The following TMEM242 variants were observed in gnomAD, a reference collection of about 807,000 sequenced individuals.
TMEM242 encodes the protein UPF0463 transmembrane protein C6orf35.
In TMEM242, 10 loss-of-function variants were observed where a neutral mutation model predicts 18.2. That is an observed-to-expected ratio of 0.55 (90% CI 0.34 to 0.93). The LOEUF is 0.93. TMEM242 is among the 40% of genes least tolerant of loss of function. TMEM242 has a pLI of 0.02. For synonymous variants in TMEM242, 57 were observed against 69.9 expected (o/e 0.81, Z 0.92); for missense variants, 186 against 175.5 (o/e 1.06, Z -0.34).
chr6:157,310,449 CCTAG>C (rs1777991030), intron 3 of TMEM242, among the ~76,000 whole-genome samples: 1 of 105,920 alleles, frequency 9.4e-6, no homozygotes, highest in Non-Finnish European at 2.2e-5. Flanking sequence ...TGTGCACTCA[CCTAG>C]CCTCATCACA....
intron 3 of TMEM242, among the ~76,000 whole-genome samples, chr6:157,309,050 G>A (rs1777955489): frequency 6.6e-6 from 1 of 152,124 alleles, no homozygotes; most frequent in South Asian, 2.1e-4. Flanking sequence ...ATATACAATA[G>A]GGTTCCCTAT....
At chr6:157,312,956 T>C (rs2128416377) in intron 3 of TMEM242, among the ~76,000 whole-genome samples, 2 of 152,176 alleles carry the variant, frequency 1.3e-5, no homozygotes, top group African/African-American at 4.8e-5. Context: ...TCACCCGGCC[T>C]CATCATAGTG....
chr6:157,323,321 CG>C, intron 1 of TMEM242, 90 bp downstream of exon 1: 1 of 1,364,882 alleles, frequency 7.3e-7, no homozygotes, highest in Non-Finnish European at 1.0e-6. Context: ...GCTCTCAGAG[CG>C]GGATGTGTGT....
intron 3 of TMEM242, among the ~76,000 whole-genome samples, chr6:157,302,289 T>C (rs1401416627): frequency 6.6e-6 from 1 of 152,220 alleles, no homozygotes; most frequent in African/African-American, 2.4e-5. Context: ...TTCTTTTATC[T>C]CAGTCATAAC....
intron 3 of TMEM242, among the ~76,000 whole-genome samples, chr6:157,294,224 C>A (rs1287906264): frequency 6.6e-6 from 1 of 152,152 alleles, no homozygotes; most frequent in East Asian, 1.9e-4. Flanking sequence ...TCAGCAGCAC[C>A]ACAGTACTGC....
At chr6:157,304,322 C>T (rs4415180) in intron 3 of TMEM242, among the ~76,000 whole-genome samples, 38,785 of 151,584 alleles carry the variant, frequency 0.26, 5,033 homozygotes, top group South Asian at 0.4. Flanking sequence ...AAAAATCAGT[C>T]GGGCATGGTG....
rs1328614194 is a variant in TMEM242 at position 157,292,244 on chromosome 6, A to G, written c.*657T>C. ...CTGATATCATCATTATTTTAGCCCA[A>G]CTGTGCCTTTTGGGGTGATCACAAC... is the stretch of plus-strand genomic sequence containing the variant. On this transcript the variant is annotated 3_prime_UTR_variant, in exon 4 of 4. Coordinates refer to ENST00000400788, the MANE Select transcript of TMEM242 (RefSeq NM_018452.6). 2.0e-5 allele frequency: 3 copies of G among 152,180 alleles called. No homozygotes were observed. Among genetic ancestry groups the G allele is most frequent in the Admixed American group, 6.5e-5 (1 of 15,286 alleles). The allele number at this position is 152,180 out of a possible 1,614,324, so 9.4% of individuals were successfully genotyped here. A position where few individuals can be genotyped will look rare whatever the true frequency, so the allele number is the denominator to read the frequency against.
intron 3 of TMEM242, among the ~76,000 whole-genome samples, chr6:157,315,842 T>C (rs1392582053): frequency 6.6e-6 from 1 of 152,204 alleles, no homozygotes; most frequent in Non-Finnish European, 1.5e-5. Context: ...TCTCCTTCTT[T>C]GGAACCTCTG....
intron 3 of TMEM242, among the ~76,000 whole-genome samples, chr6:157,302,376 AGAT>A (rs1459549349): frequency 6.6e-6 from 1 of 152,190 alleles, no homozygotes; most frequent in East Asian, 1.9e-4. Flanking sequence ...TCATTTTCCA[AGAT>A]AAGTGTTGTT....
intron 3 of TMEM242, chr6:157,299,613 G>T (rs781993212): frequency 6.3e-7 from 1 of 1,595,664 alleles, no homozygotes; most frequent in Non-Finnish European, 8.6e-7. Context: ...ACAATAATCA[G>T]CTTGCAGAGG....
chr6:157,321,975 C>T (rs1383922079), intron 2 of TMEM242, among the ~76,000 whole-genome samples: 1 of 152,180 alleles, frequency 6.6e-6, no homozygotes, highest in Admixed American at 6.5e-5. Context: ...ACACTTTAAA[C>T]ATGGTCTCTT....
intron 3 of TMEM242, among the ~76,000 whole-genome samples, chr6:157,296,287 T>A (rs138280858): frequency 0.027 from 4,102 of 152,282 alleles, 373 homozygotes; most frequent in East Asian, 0.24. Context: ...AGTTCTCTCT[T>A]CTTTCCTCTG....
intron 3 of TMEM242, among the ~76,000 whole-genome samples, chr6:157,311,452 G>GCACT (rs1778091043): frequency 1.3e-5 from 1 of 78,942 alleles, no homozygotes; most frequent in African/African-American, 5.2e-5. Flanking sequence ...GTCCCAGTGT[G>GCACT]CAATCACCTG....
chr6:157,308,856 A>G (rs1237987261), intron 3 of TMEM242, among the ~76,000 whole-genome samples: 1 of 152,224 alleles, frequency 6.6e-6, no homozygotes, highest in African/African-American at 2.4e-5. Context: ...TGCATTTTGT[A>G]TAAACTTTTC....
At chr6:157,312,914 ACCCG>A (rs1778228097) in intron 3 of TMEM242, among the ~76,000 whole-genome samples, 1 of 151,998 alleles carries the variant, frequency 6.6e-6, no homozygotes, top group African/African-American at 2.4e-5. Flanking sequence ...CTGTGCGCTC[ACCCG>A]GCATCATCAT....
At chr6:157,311,355 C>T (rs1554248744) in intron 3 of TMEM242, among the ~76,000 whole-genome samples, 1 of 140,568 alleles carries the variant, frequency 7.1e-6, no homozygotes. Flanking sequence ...AGTGTGCGCT[C>T]ACCTAGCCTC....
intron 3 of TMEM242, among the ~76,000 whole-genome samples, chr6:157,309,602 G>C (rs1777965155): frequency 6.6e-6 from 1 of 151,968 alleles, no homozygotes; most frequent in East Asian, 1.9e-4. Context: ...TGTTGCCTAG[G>C]CTAATCTCAA....
intron 3 of TMEM242, among the ~76,000 whole-genome samples, chr6:157,310,748 GCA>G (rs1778010530): frequency 7.0e-6 from 1 of 142,164 alleles, no homozygotes; most frequent in African/African-American, 2.6e-5. Context: ...GTCCCAGTGT[GCA>G]CTCACCCGGC....
chr6:157,302,422 G>A (rs1290565187), intron 3 of TMEM242, among the ~76,000 whole-genome samples: 2 of 152,100 alleles, frequency 1.3e-5, no homozygotes, highest in Admixed American at 6.5e-5. Context: ...AAGACTCTTC[G>A]CGGGATGGCT....
Sources: gnomAD v4.1 joint callset for allele counts (sites outside exome capture counted in the v4.1 genomes callset) on GRCh38, gnomAD v4.1.1 for gene constraint, MANE v1.5 for transcripts, NCBI Gene and HGNC (gene_info 2026-07-23, HGNC 2026-07-21) for gene names.